The following PUS10 variants were observed in gnomAD, a reference collection of about 807,000 sequenced individuals.
PUS10 encodes pseudouridine synthase 10, also known as tRNA pseudouridine synthase Pus10.
PUS10 carries 59 observed loss-of-function variants against 75.0 expected under a neutral mutation model. That is an observed-to-expected ratio of 0.79 (90% CI 0.64 to 0.98). The LOEUF is 0.98. Ranked by LOEUF, PUS10 falls within the 50% of genes least tolerant of loss-of-function variation. The pLI is 0.00. For synonymous variants in PUS10, 219 were observed against 211.6 expected, an observed-to-expected ratio of 1.03 and a Z score of -0.30; for missense variants, 650 against 614.4, an observed-to-expected ratio of 1.06 and a Z score of -0.61.
intron 4 of PUS10, among the ~76,000 whole-genome samples, chr2:61,006,129 C>T (rs1026800367): frequency 1.8e-4 from 27 of 152,120 alleles, no homozygotes; most frequent in African/African-American, 5.3e-4. Flanking sequence ...CTGGAAGATA[C>T]GCCATCTTTT....
intron 16 of PUS10, 44 bp downstream of exon 16, chr2:60,947,999 A>G (rs1264643604): frequency 6.2e-7 from 1 of 1,610,562 alleles, no homozygotes; most frequent in Admixed American, 1.7e-5. Context: ...CTTTTCCAAT[A>G]GAGTTCTGGT....
chr2:61,012,864 A>T (rs1226942277), intron 1 of PUS10, among the ~76,000 whole-genome samples: 1 of 105,826 alleles, frequency 9.4e-6, no homozygotes, highest in African/African-American at 3.8e-5. Flanking sequence ...AAAAAAAAAA[A>T]AAAATATATA....
chr2:61,000,812 G>A (rs1250505624), intron 4 of PUS10, among the ~76,000 whole-genome samples: 1 of 152,104 alleles, frequency 6.6e-6, no homozygotes, highest in African/African-American at 2.4e-5. Flanking sequence ...ATATCCTACT[G>A]CTCTAGGTCA....
At chr2:60,976,663 A>C (rs1677049264) in intron 4 of PUS10, among the ~76,000 whole-genome samples, 1 of 152,268 alleles carries the variant, frequency 6.6e-6, no homozygotes, top group Non-Finnish European at 1.5e-5. Flanking sequence ...TCCCTGCTCC[A>C]GCATGCCAGC....
rs531613624 is a variant in PUS10, at chr2:61,011,844, A to T, written c.47T>A (p.Leu16His). ...EENKHVAQLLLNTGTCPRCIF... is the reference protein window; with the variant it reads ...EENKHVAQLLHNTGTCPRCIF... ...ACATCTTGGACAAGTACCAGTATTG[A>T]GCAACAACTGGGCCACATGCTTGTT... Residue 16 changes from leucine (L) to histidine (H), a missense_variant, in exon 2 of 18, where the codon CTC becomes CAC. By Grantham distance (99) the Leu-to-His change is moderately conservative. Transcript: ENST00000316752. 24 of 1,609,666 alleles carry T rather than the reference A, an allele frequency of 1.5e-5. No individual in the cohort carries two copies. In the Admixed American group the frequency reaches 3.9e-4, roughly 26 times the overall value.
intron 2 of PUS10, among the ~76,000 whole-genome samples, chr2:61,011,058 A>C (rs1679565153): frequency 6.6e-6 from 1 of 152,198 alleles, no homozygotes; most frequent in Non-Finnish European, 1.5e-5. Flanking sequence ...ACTCCTGGAC[A>C]ATTTTTTAAA....
At chr2:60,969,167 C>A (rs1290344028) in intron 5 of PUS10, among the ~76,000 whole-genome samples, 2 of 152,150 alleles carry the variant, frequency 1.3e-5, no homozygotes. Context: ...TGTTTTAAAT[C>A]CTTCACAGTC....
chr2:60,946,806 C>T (rs10209620), intron 16 of PUS10, among the ~76,000 whole-genome samples: 32,832 of 150,324 alleles, frequency 0.22, 3,727 homozygotes, highest in Middle Eastern at 0.36. Flanking sequence ...TTAAAACTTG[C>T]TTTTTTCCCA....
At chr2:60,987,316 T>A (rs1277467601) in intron 4 of PUS10, among the ~76,000 whole-genome samples, 2 of 152,192 alleles carry the variant, frequency 1.3e-5, no homozygotes, top group Non-Finnish European at 2.9e-5. Context: ...TCCCTGGACC[T>A]TAATTCCTGT....
rs890393413 is a variant in PUS10, at chr2:60,940,336, G to C, written c.*2059C>G. 6.6e-6 allele frequency: 1 copy of C among 152,224 alleles called. No homozygotes were observed. The highest frequency in any genetic ancestry group is 1.5e-5 in the Non-Finnish European group (1 of 68,000). 9.4% of individuals were successfully genotyped at this position (152,224 alleles called of 1,614,324 possible). On this transcript the variant is annotated 3_prime_UTR_variant, in exon 18 of 18. Transcript: ENST00000316752. ...GGGACTATATAAGAGATACTAAGAAGTACAAAGGGCTCTTTCTCTTAAGTG... is the reference window on the plus strand; with the variant it reads ...GGGACTATATAAGAGATACTAAGAACTACAAAGGGCTCTTTCTCTTAAGTG...
Position 60,941,385 on chromosome 2 carries a change from C to T in PUS10, c.*1010G>A, listed in dbSNP as rs554517069. On this transcript the variant is annotated 3_prime_UTR_variant, in exon 18 of 18. Coordinates refer to ENST00000316752, the MANE Select transcript of PUS10 (RefSeq NM_144709.4). The stretch of plus-strand genomic sequence containing the variant: ...CTGCCCCTTCACACAAACAGGTGCT[C>T]AGTAATAGGGCTTATTAGAAAGACC... The T allele has an allele frequency of 1.3e-5, 2 of 152,294 alleles. No homozygotes were observed. Among genetic ancestry groups the T allele is most frequent in the African/African-American group, 4.8e-5 (2 of 41,528 alleles). 9.4% of individuals were successfully genotyped at this position (152,294 alleles called of 1,614,324 possible).
At chr2:60,945,857 C>T (rs866596347) in intron 16 of PUS10, among the ~76,000 whole-genome samples, 8 of 152,026 alleles carry the variant, frequency 5.3e-5, no homozygotes, top group Admixed American at 1.3e-4. Context: ...TTTGTTTTTG[C>T]CAGAATTTGG....
At chr2:60,993,782 T>C (rs1678266896) in intron 4 of PUS10, among the ~76,000 whole-genome samples, 1 of 152,116 alleles carries the variant, frequency 6.6e-6, no homozygotes, top group African/African-American at 2.4e-5. Flanking sequence ...GCTGTAGCAC[T>C]GCAATTGATT....
chr2:60,962,857 A>T lies in PUS10; in HGVS notation c.757T>A (p.Leu253Met). ...AAATCCTCTTCCTTTATCTTATTCAAGGCTTTCATAACTGCCATTCTAGTG... is the reference window on the plus strand; with the variant it reads ...AAATCCTCTTCCTTTATCTTATTCATGGCTTTCATAACTGCCATTCTAGTG... ...VFTRMAVMKALNKIKEEDFLK... is the reference protein window; with the variant it reads ...VFTRMAVMKAMNKIKEEDFLK... Residue 253 changes from leucine to methionine, a missense_variant, in exon 9 of 18, where the codon TTG becomes ATG. By Grantham distance (15) the Leu-to-Met change is conservative. Transcript: ENST00000316752. 6.4e-7 allele frequency: 1 copy of T among 1,571,920 alleles called. No individual in the cohort carries two copies.
At chr2:60,981,037 C>T (rs927677347) in intron 4 of PUS10, among the ~76,000 whole-genome samples, 2 of 151,880 alleles carry the variant, frequency 1.3e-5, no homozygotes, top group Non-Finnish European at 2.9e-5. Flanking sequence ...ACTACAGGCA[C>T]GCGCCACCAT....
intron 2 of PUS10, among the ~76,000 whole-genome samples, chr2:61,009,381 TATAA>T (rs1350247551): frequency 6.6e-6 from 1 of 152,192 alleles, no homozygotes; most frequent in Non-Finnish European, 1.5e-5. Flanking sequence ...ATGATTAACA[TATAA>T]AAAGTACAAA....
At chr2:60,945,637 A>T (rs1573374385) in intron 16 of PUS10, among the ~76,000 whole-genome samples, 1 of 152,296 alleles carries the variant, frequency 6.6e-6, no homozygotes, top group Non-Finnish European at 1.5e-5. Flanking sequence ...CTTCGGAAGG[A>T]TTACCAAAGA....
chr2:61,012,086 G>C (rs566965344), intron 1 of PUS10, among the ~76,000 whole-genome samples, 181 bp from the exon 2 acceptor site: 1 of 152,238 alleles, frequency 6.6e-6, no homozygotes, highest in South Asian at 2.1e-4. Context: ...TTCATAAGAT[G>C]GATCCGGTAA....
In PUS10 at chr2:60,988,084, G is replaced by A. The variant is rs146647945; in HGVS notation, c.469-16527C>T. Reference sequence around the variant, plus strand: ...AGCCTGGGTGAGAGAGCAAGACTCCGTCTAAAATAAATAAATAAATAAATA... The same window carrying A: ...AGCCTGGGTGAGAGAGCAAGACTCCATCTAAAATAAATAAATAAATAAATA... On this transcript the variant is annotated intron_variant, in intron 4 of 17. Coordinates refer to ENST00000316752, the MANE Select transcript of PUS10 (RefSeq NM_144709.4). Among the ~76,000 whole-genome samples, 1,132 of 151,816 alleles carry A rather than the reference G, an allele frequency of 7.5e-3. 8 individuals carry two copies. Among genetic ancestry groups the A allele is most frequent in the Non-Finnish European group, 0.012 (789 of 67,952 alleles).
Sources: gnomAD v4.1 joint callset for allele counts (sites outside exome capture counted in the v4.1 genomes callset) on GRCh38, gnomAD v4.1.1 for gene constraint, MANE v1.5 for transcripts, NCBI Gene and HGNC (gene_info 2026-07-23, HGNC 2026-07-21) for gene names.